The following NREP variants were observed in gnomAD, a reference collection of about 807,000 sequenced individuals.
The protein encoded by NREP is neuronal regeneration related protein.
A neutral mutation model predicts 8.6 loss-of-function variants in NREP; 5 were observed. The ratio of observed to expected loss-of-function variants is 0.58; its 90% CI spans 0.30 to 1.22. The LOEUF (loss-of-function observed/expected upper bound fraction) is 1.22, where lower values mean the gene tolerates loss of function less well. Among genes scored for constraint, NREP ranks in the 50% most tolerant of loss-of-function variants. The probability of loss-of-function intolerance (pLI) is 0.07; values close to 1 mark genes in which losing one functional copy is unlikely to be tolerated. For missense variants in NREP, 86 were observed against 82.5 expected, an observed-to-expected ratio of 1.04 and a Z score of -0.17; for synonymous variants, 27 against 28.0, an observed-to-expected ratio of 0.96 and a Z score of 0.11.
At chr5:111,940,730 T>A (rs1581236390) in intron 2 of NREP, among the ~76,000 whole-genome samples, 2 of 152,014 alleles carry the variant, frequency 1.3e-5, no homozygotes, top group Middle Eastern at 3.4e-3. Context: ...TAATGCAAGT[T>A]TGGAGTTGCC....
At chr5:111,842,821 G>T (rs1330152196) in intron 2 of NREP, among the ~76,000 whole-genome samples, 2 of 152,092 alleles carry the variant, frequency 1.3e-5, no homozygotes, top group East Asian at 3.8e-4. Context: ...CTCCTTCATT[G>T]CTGAAGAACA....
At chr5:111,874,962 G>A (rs1239622888) in intron 2 of NREP, among the ~76,000 whole-genome samples, 1 of 152,114 alleles carries the variant, frequency 6.6e-6, no homozygotes, top group Non-Finnish European at 1.5e-5. Flanking sequence ...AAACTGTTAA[G>A]ATGCAAATAC....
intron 2 of NREP, among the ~76,000 whole-genome samples, chr5:111,888,203 T>A (rs1581193834): frequency 6.6e-6 from 1 of 152,356 alleles, no homozygotes; most frequent in East Asian, 1.9e-4. Context: ...TTGCCAATAA[T>A]TATCTTTAGT....
At chr5:111,862,371 C>A (rs1347677319) in intron 2 of NREP, among the ~76,000 whole-genome samples, 1 of 152,144 alleles carries the variant, frequency 6.6e-6, no homozygotes, top group Non-Finnish European at 1.5e-5. Context: ...TGTGCACCCA[C>A]TTCTTTATTC....
intron 2 of NREP, among the ~76,000 whole-genome samples, chr5:111,776,103 T>C (rs946139391): frequency 2.6e-5 from 4 of 152,192 alleles, no homozygotes; most frequent in Admixed American, 2.0e-4. Context: ...AGGAGCAGTA[T>C]GTACCAGTTG....
chr5:111,857,726 A>G (rs1753456569), intron 2 of NREP, among the ~76,000 whole-genome samples: 1 of 152,202 alleles, frequency 6.6e-6, no homozygotes, highest in Non-Finnish European at 1.5e-5. Flanking sequence ...TCACTGCTAG[A>G]TCCCTAGCTT....
At chr5:111,919,753 A>T (rs1755171107) in intron 2 of NREP, among the ~76,000 whole-genome samples, 1 of 152,052 alleles carries the variant, frequency 6.6e-6, no homozygotes, top group South Asian at 2.1e-4. Flanking sequence ...GGATAACATT[A>T]GGAGAAATAA....
chr5:111,894,913 A>C (rs1451431000), intron 2 of NREP, among the ~76,000 whole-genome samples: 1 of 152,202 alleles, frequency 6.6e-6, no homozygotes, highest in Non-Finnish European at 1.5e-5. Context: ...CAATTATAAA[A>C]CATTTAATCA....
intron 2 of NREP, among the ~76,000 whole-genome samples, chr5:111,823,304 G>A (rs893696513): frequency 6.6e-6 from 1 of 152,122 alleles, no homozygotes; most frequent in South Asian, 2.1e-4. Context: ...CCAACAATGG[G>A]GACCAAATTT....
chr5:111,868,999 G>A (rs1220219074), intron 2 of NREP, among the ~76,000 whole-genome samples: 4 of 152,132 alleles, frequency 2.6e-5, no homozygotes, highest in Admixed American at 2.6e-4. Flanking sequence ...CTGCTTGTGT[G>A]GCTAATAGCC....
intron 2 of NREP, chr5:111,739,071 C>CTT (rs1363288840): frequency 3.3e-5 from 5 of 152,180 alleles, no homozygotes; most frequent in Non-Finnish European, 2.9e-5. Context: ...GTCTGTGGCA[C>CTT]TTTGTTATGG....
chr5:111,737,043 C>G (rs1561633591), intron 2 of NREP, among the ~76,000 whole-genome samples: 1 of 152,188 alleles, frequency 6.6e-6, no homozygotes. Flanking sequence ...AGAGCTAGAA[C>G]TATTTTCTTT....
At chr5:111,916,783 TA>T (rs1039186058) in intron 2 of NREP, among the ~76,000 whole-genome samples, 1 of 152,140 alleles carries the variant, frequency 6.6e-6, no homozygotes, top group Non-Finnish European at 1.5e-5. Flanking sequence ...AATCAACTGT[TA>T]GGGGTTGTGA....
At chr5:111,969,477 C>T (rs1182653399) in intron 2 of NREP, 6 of 152,026 alleles carry the variant, frequency 3.9e-5, no homozygotes, top group Non-Finnish European at 2.9e-5. Context: ...CATACAGTAG[C>T]CATAATAAAG....
At chr5:111,750,485 T>A (rs1263085031) in intron 2 of NREP, among the ~76,000 whole-genome samples, 2 of 152,182 alleles carry the variant, frequency 1.3e-5, no homozygotes, top group Non-Finnish European at 2.9e-5. Context: ...CAAGGTTGAT[T>A]AGCAATGTCT....
chr5:111,881,789 A>G (rs1198331930), intron 2 of NREP, among the ~76,000 whole-genome samples: 1 of 152,132 alleles, frequency 6.6e-6, no homozygotes, highest in African/African-American at 2.4e-5. Context: ...TAGAAGGAAA[A>G]CTAACAAACA....
rs1182958323 is a variant in NREP, at chr5:111,731,055, C to G, written c.82-9G>C. On this transcript the variant is annotated splice_polypyrimidine_tract_variant and intron_variant, in intron 3 of 3. Coordinates refer to ENST00000257435, the MANE Select transcript of NREP (RefSeq NM_004772.4). ...GGGACAGGAAGTCTTCCCTGCAAAG[C>G]AGGCAGACCCACACACAGACAGACA... 4 of 1,613,564 alleles carry G rather than the reference C, an allele frequency of 2.5e-6. No individual in the cohort carries two copies. The East Asian group carries it at 8.9e-5, about 36-fold the overall frequency.
At chr5:111,759,702 G>A (rs975364002), upstream of NREP, among the ~76,000 whole-genome samples, 1 of 152,166 alleles carries the variant, frequency 6.6e-6, no homozygotes. Context: ...GTCTCCTCTA[G>A]GTGAAGGGGG....
intron 2 of NREP, among the ~76,000 whole-genome samples, chr5:111,875,749 T>C (rs964591806): frequency 2.0e-5 from 3 of 152,224 alleles, no homozygotes; most frequent in East Asian, 3.8e-4. Flanking sequence ...TTCCACCTCA[T>C]GCTGGTGAAG....
Sources: allele counts gnomAD v4.1 joint callset (sites outside exome capture counted in the v4.1 genomes callset), GRCh38; gene constraint gnomAD v4.1.1; transcripts MANE v1.5; gene names NCBI Gene and HGNC (gene_info 2026-07-23, HGNC 2026-07-21).